The following AMMECR1 variants were observed in gnomAD, a reference collection of about 807,000 sequenced individuals.
AMMECR1 encodes nuclear protein AMMECR1.
AMMECR1 carries 3 observed loss-of-function variants against 22.5 expected under a neutral mutation model. The observed-to-expected ratio is 0.13, with a 90% CI of 0.06 to 0.35. AMMECR1 has a LOEUF of 0.35. Ranked by LOEUF, AMMECR1 falls within the 10% of genes least tolerant of loss-of-function variation. The probability of loss-of-function intolerance (pLI) is 1.00; values close to 1 mark genes in which losing one functional copy is unlikely to be tolerated. For synonymous variants in AMMECR1, 130 were observed against 116.7 expected, an observed-to-expected ratio of 1.11 and a Z score of -0.74; for missense variants, 235 against 278.7, an observed-to-expected ratio of 0.84 and a Z score of 1.12.
rs1162756289 is a variant in AMMECR1, at chrX:110,201,041, T to C, written c.800A>G (p.His267Arg). The C allele has an allele frequency of 8.5e-7, 1 of 1,180,403 alleles. No individual in the cohort carries two copies. Among genetic ancestry groups the C allele is most frequent in the Admixed American group, 2.2e-5 (1 of 45,752 alleles). ...PEVAKEQGWD[H>R]IQTIDSLLRK... ...CAATAAGGAGTCTATGGTCTGTATA[T>C]GGTCCCATCCTGTAGAGAGATGACC... The change falls in exon 5 of 6, where the codon CAT becomes CGT. Residue 267 changes from histidine (H) to arginine (R), a missense_variant. His to Arg is a conservative substitution (Grantham distance 29). Transcript: ENST00000262844.
chrX:110,423,187 G>A (rs1357716293), intron 2 of AMMECR1, among the ~76,000 whole-genome samples: 2 of 111,218 alleles, frequency 1.8e-5, no homozygotes, highest in East Asian at 5.6e-4. Flanking sequence ...AATTAGCCGG[G>A]GGTGGTGGAA....
intron 1 of AMMECR1, among the ~76,000 whole-genome samples, chrX:110,299,943 T>C (rs760557232): frequency 8.9e-6 from 1 of 112,271 alleles, no homozygotes. Context: ...CAATGGACAC[T>C]TAGGTTGTTA....
At chrX:110,415,950 T>C (rs2068674219) in intron 2 of AMMECR1, among the ~76,000 whole-genome samples, 1 of 109,075 alleles carries the variant, frequency 9.2e-6, no homozygotes, top group South Asian at 4.1e-4. Flanking sequence ...TTGTTCCCTT[T>C]ACTGCTGCAA....
chrX:110,239,860 A>G (rs1389920351), intron 2 of AMMECR1, among the ~76,000 whole-genome samples: 2 of 112,230 alleles, frequency 1.8e-5, no homozygotes, highest in Non-Finnish European at 3.8e-5. Flanking sequence ...ATCTCTCGGC[A>G]GAAACCCCAC....
intron 1 of AMMECR1, 23 bp downstream of exon 1, chrX:110,317,576 G>A (rs774646438): frequency 8.7e-7 from 1 of 1,146,713 alleles, no homozygotes; most frequent in Non-Finnish European, 1.2e-6. Context: ...AAGGGAGAGG[G>A]CGGCGGAGGG....
intron 2 of AMMECR1, among the ~76,000 whole-genome samples, chrX:110,342,340 G>C (rs1271104978): frequency 1.8e-5 from 2 of 110,876 alleles, no homozygotes; most frequent in Non-Finnish European, 3.8e-5. Context: ...ATAACTAAAA[G>C]ACCATTAAAA....
chrX:110,402,476 C>T (rs187994821), intron 2 of AMMECR1, among the ~76,000 whole-genome samples: 47 of 112,839 alleles, frequency 4.2e-4, no homozygotes, highest in African/African-American at 1.4e-3. Context: ...CTACTCCCCA[C>T]GGAAGAGGAA....
chrX:110,364,376 G>T (rs745894464), intron 2 of AMMECR1, among the ~76,000 whole-genome samples: 1 of 111,138 alleles, frequency 9.0e-6, no homozygotes, highest in African/African-American at 3.3e-5. Context: ...TTTTGGGGGC[G>T]GTGACACAAT....
At chrX:110,289,787 C>T (rs1160259448) in intron 1 of AMMECR1, among the ~76,000 whole-genome samples, 1 of 111,924 alleles carries the variant, frequency 8.9e-6, no homozygotes, top group Non-Finnish European at 1.9e-5. Context: ...TCTATCAAGC[C>T]AAATTCAGGA....
At chrX:110,301,587 T>C (rs1013390920) in intron 1 of AMMECR1, among the ~76,000 whole-genome samples, 4 of 111,599 alleles carry the variant, frequency 3.6e-5, no homozygotes, top group Admixed American at 9.5e-5. Flanking sequence ...GGGGTCTTAA[T>C]CTAGAGTCCA....
chrX:110,315,313 A>G (rs1331236494), intron 1 of AMMECR1, among the ~76,000 whole-genome samples: 1 of 112,186 alleles, frequency 8.9e-6, no homozygotes, highest in East Asian at 2.8e-4. Flanking sequence ...TTTTCCACTT[A>G]AGTGAACTTT....
intron 2 of AMMECR1, among the ~76,000 whole-genome samples, chrX:110,326,789 A>T (rs944542415): frequency 8.9e-6 from 1 of 112,079 alleles, no homozygotes; most frequent in Non-Finnish European, 1.9e-5. Context: ...AATGTAATGC[A>T]GGAGAACAGA....
chrX:110,363,062 C>T (rs949963827), intron 2 of AMMECR1, among the ~76,000 whole-genome samples: 1 of 111,832 alleles, frequency 8.9e-6, no homozygotes, highest in Admixed American at 9.5e-5. Context: ...TGTTTTTTGT[C>T]ACCTCAACAA....
At chrX:110,385,486 T>C (rs1038692769) in intron 2 of AMMECR1, among the ~76,000 whole-genome samples, 2 of 111,433 alleles carry the variant, frequency 1.8e-5, no homozygotes, top group African/African-American at 6.5e-5. Flanking sequence ...AGGAATCTCA[T>C]ACCCACTGGT....
At chrX:110,352,863 T>C in intron 2 of AMMECR1, among the ~76,000 whole-genome samples, 1 of 112,077 alleles carries the variant, frequency 8.9e-6, no homozygotes, top group Non-Finnish European at 1.9e-5. Flanking sequence ...ACCCAACAAA[T>C]ATTTATTGAA....
chrX:110,352,997 C>A (rs1382642728), intron 2 of AMMECR1, among the ~76,000 whole-genome samples: 5 of 112,235 alleles, frequency 4.5e-5, no homozygotes, highest in Admixed American at 3.8e-4. Context: ...TAGCACAATG[C>A]CAGACATTGT....
chrX:110,290,806 C>CTGCT (rs1247609459), intron 1 of AMMECR1, among the ~76,000 whole-genome samples: 1 of 111,127 alleles, frequency 9.0e-6, no homozygotes, highest in African/African-American at 3.3e-5. Flanking sequence ...AAATACTTCC[C>CTGCT]TGCTTGCAAT....
intron 1 of AMMECR1, among the ~76,000 whole-genome samples, chrX:110,305,135 C>G (rs1474797463): frequency 1.8e-5 from 2 of 111,974 alleles, no homozygotes; most frequent in African/African-American, 6.5e-5. Flanking sequence ...ATGGTTTATG[C>G]CTATTTTATA....
intron 2 of AMMECR1, among the ~76,000 whole-genome samples, chrX:110,354,189 A>T (rs963856633): frequency 9.9e-5 from 11 of 110,721 alleles, no homozygotes; most frequent in African/African-American, 2.9e-4. Flanking sequence ...ACCAGAAAAA[A>T]CTCTTAATGG....
Sources: allele counts gnomAD v4.1 joint callset (sites outside exome capture counted in the v4.1 genomes callset), GRCh38; gene constraint gnomAD v4.1.1; transcripts MANE v1.5; gene names NCBI Gene and HGNC (gene_info 2026-07-23, HGNC 2026-07-21).